Variants in WWOX observed in about 807,000 individuals in gnomAD.
The protein encoded by WWOX is WW domain-containing oxidoreductase.
Under a neutral mutation model 46.2 loss-of-function variants are expected in WWOX, and 69 were observed. That is an observed-to-expected ratio of 1.49 (90% CI 1.23 to 1.82). The LOEUF (loss-of-function observed/expected upper bound fraction) is 1.82. WWOX is among the 40% of genes most tolerant of loss of function. The probability of loss-of-function intolerance (pLI) is 0.00; values close to 1 mark genes in which losing one functional copy is unlikely to be tolerated. For synonymous variants in WWOX, 359 were observed against 202.6 expected (o/e 1.77, Z -6.56); for missense variants, 919 against 542.6 (o/e 1.69, Z -6.89).
chr16:78,919,642 C>T (rs1032227824), intron 8 of WWOX, among the ~76,000 whole-genome samples: 4 of 151,404 alleles, frequency 2.6e-5, no homozygotes, highest in South Asian at 2.1e-4. Flanking sequence ...CTCATGCTCC[C>T]GAATAGCTGG....
intron 8 of WWOX, among the ~76,000 whole-genome samples, chr16:78,513,809 C>T (rs2085421039): frequency 6.6e-6 from 1 of 152,106 alleles, no homozygotes; most frequent in Non-Finnish European, 1.5e-5. Flanking sequence ...CATCCACCTG[C>T]ATACTTTACA....
At chr16:78,774,447 T>C (rs1473569109) in intron 8 of WWOX, among the ~76,000 whole-genome samples, 1 of 151,992 alleles carries the variant, frequency 6.6e-6, no homozygotes, top group African/African-American at 2.4e-5. Context: ...GGAATCCACG[T>C]TGGTGTGTCT....
At chr16:78,862,096 C>CTATATCTA (rs1567610405) in intron 8 of WWOX, among the ~76,000 whole-genome samples, 1 of 151,918 alleles carries the variant, frequency 6.6e-6, no homozygotes, top group Non-Finnish European at 1.5e-5. Flanking sequence ...ACGGGTGTGT[C>CTATATCTA]TGTATCTATA....
chr16:79,212,116 C>G lies in WWOX; in HGVS notation c.*320C>G, dbSNP rs1223395174. On this transcript the variant is annotated 3_prime_UTR_variant, in exon 9 of 9. Transcript: ENST00000566780. ...AGCACCAGCAATTCTCTTTCTTTTA[C>G]TGTTATAGAATAGCCTGAGGTCCCC... The G allele has an allele frequency of 3.9e-6, 6 of 1,535,456 alleles. No homozygotes were observed. In the East Asian group the frequency reaches 1.5e-4, roughly 38 times the overall value.
At chr16:78,758,533 C>T (rs969258645) in intron 8 of WWOX, among the ~76,000 whole-genome samples, 4 of 152,226 alleles carry the variant, frequency 2.6e-5, no homozygotes, top group African/African-American at 4.8e-5. Context: ...AGTGTCGTAA[C>T]GCCACTATCT....
intron 8 of WWOX, among the ~76,000 whole-genome samples, chr16:78,731,381 G>C (rs558068141): frequency 3.3e-5 from 5 of 152,108 alleles, no homozygotes; most frequent in African/African-American, 4.8e-5. Context: ...TGACTTCAAA[G>C]ATGCACACTA....
At chr16:78,651,647 C>T (rs1049971749) in intron 8 of WWOX, among the ~76,000 whole-genome samples, 2 of 152,208 alleles carry the variant, frequency 1.3e-5, no homozygotes, top group Non-Finnish European at 2.9e-5. Flanking sequence ...CTCATGTCCC[C>T]AGGCCATGAC....
At chr16:78,460,440 C>A (rs192754270) in intron 8 of WWOX, among the ~76,000 whole-genome samples, 2 of 152,222 alleles carry the variant, frequency 1.3e-5, no homozygotes, top group African/African-American at 4.8e-5. Context: ...AGTGTAATAA[C>A]CTGTCTTCAG....
chr16:79,015,594 G>C (rs1047324623), intron 8 of WWOX, among the ~76,000 whole-genome samples: 8 of 152,036 alleles, frequency 5.3e-5, no homozygotes, highest in Admixed American at 3.9e-4. Context: ...CACTGGTTGG[G>C]TTCCATATTC....
intron 5 of WWOX, among the ~76,000 whole-genome samples, chr16:78,383,611 A>G (rs890064298): frequency 6.6e-6 from 1 of 152,190 alleles, no homozygotes; most frequent in African/African-American, 2.4e-5. Flanking sequence ...AAACATTTCT[A>G]TAAAGTTACT....
rs2080954287 is a variant in WWOX at position 78,339,005 on chromosome 16, C to T, written c.517-47855C>T. Among the ~76,000 whole-genome samples, 2 of 119,632 alleles carry T rather than the reference C, an allele frequency of 1.7e-5. 1 individual carries two copies. Among genetic ancestry groups the T allele is most frequent in the South Asian group, 5.0e-4 (2 of 4,018 alleles). 78.5% of individuals were successfully genotyped at this position (119,632 alleles called of 152,430 possible). Reference sequence around the variant, plus strand: ...AGTAATTGCATGTAAACTGTTACTTCTTCATTTTCTAGTCTTAGATATTAT... The same window carrying T: ...AGTAATTGCATGTAAACTGTTACTTTTTCATTTTCTAGTCTTAGATATTAT... On this transcript the variant is annotated intron_variant, in intron 5 of 8. Transcript: ENST00000566780.
intron 8 of WWOX, among the ~76,000 whole-genome samples, chr16:78,638,667 C>T (rs1467798604): frequency 6.6e-5 from 10 of 152,118 alleles, no homozygotes; most frequent in African/African-American, 2.2e-4. Flanking sequence ...AGGGCGGGGG[C>T]GGTCAGAGGA....
At chr16:78,589,190 A>AT (rs370331697) in intron 8 of WWOX, among the ~76,000 whole-genome samples, 14 of 152,230 alleles carry the variant, frequency 9.2e-5, no homozygotes, top group Non-Finnish European at 1.6e-4. Flanking sequence ...GTTGTTTGTT[A>AT]TTTTTTAGAG....
intron 5 of WWOX, among the ~76,000 whole-genome samples, chr16:78,332,891 C>T (rs1044108994): frequency 6.6e-6 from 1 of 152,066 alleles, no homozygotes; most frequent in Non-Finnish European, 1.5e-5. Flanking sequence ...AGTTGCAATG[C>T]AAACTAAGAT....
intron 5 of WWOX, among the ~76,000 whole-genome samples, chr16:78,340,211 T>A (rs1376364621): frequency 8.7e-6 from 1 of 114,980 alleles, no homozygotes; most frequent in Admixed American, 8.5e-5. Flanking sequence ...CTTTTTTTTT[T>A]TTTGAGATGG....
chr16:78,420,653 T>TTG lies in WWOX; in HGVS notation c.606-4216_606-4215insGT, dbSNP rs2082904982. On this transcript the variant is annotated intron_variant, in intron 6 of 8. Transcript: ENST00000566780. ...TAGAGGGTGGCTAGTGATTGCTAAT[T>TTG]TTTTTTTTTTTTTTTGAGTTAAAAA... is the stretch of plus-strand genomic sequence containing the variant. Among the ~76,000 whole-genome samples the TTG allele has an allele frequency of 3.5e-4, 18 of 52,110 alleles. No individual in the cohort carries two copies. In the South Asian group the frequency reaches 0.015, roughly 43 times the overall value. 34.2% of individuals were successfully genotyped at this position (52,110 alleles called of 152,430 possible).
At chr16:78,156,644 C>T (rs1251559239) in intron 4 of WWOX, among the ~76,000 whole-genome samples, 1 of 152,158 alleles carries the variant, frequency 6.6e-6, no homozygotes, top group African/African-American at 2.4e-5. Flanking sequence ...AAGCTCTGTA[C>T]TGGGTGTGGT....
chr16:78,969,257 C>G (rs181114070), intron 8 of WWOX, among the ~76,000 whole-genome samples: 7 of 133,258 alleles, frequency 5.3e-5, no homozygotes, highest in Non-Finnish European at 9.4e-5. Flanking sequence ...ACCCTGCTCT[C>G]TCTCTCTCTC....
intron 5 of WWOX, among the ~76,000 whole-genome samples, chr16:78,333,521 T>C (rs1432298535): frequency 2.6e-5 from 4 of 152,236 alleles, no homozygotes; most frequent in Non-Finnish European, 5.9e-5. Context: ...TTAGTTCTTT[T>C]TGCTTTGTCC....
Sources: gnomAD v4.1 joint callset for allele counts (sites outside exome capture counted in the v4.1 genomes callset) on GRCh38, gnomAD v4.1.1 for gene constraint, MANE v1.5 for transcripts, NCBI Gene and HGNC (gene_info 2026-07-23, HGNC 2026-07-21) for gene names.